The following RAPGEF4 variants were observed in gnomAD, a reference collection of about 807,000 sequenced individuals.
The protein encoded by RAPGEF4 is Rap guanine nucleotide exchange factor 4, also known as RAP guanine-nucleotide-exchange factor (GEF) 4.
Under a neutral mutation model 147.9 loss-of-function variants are expected in RAPGEF4, and 66 were observed. That is an observed-to-expected ratio of 0.45 (90% CI 0.37 to 0.55). The LOEUF is 0.55. Among genes scored for constraint, RAPGEF4 ranks in the 20% least tolerant of loss-of-function variants. The pLI, the probability that RAPGEF4 is intolerant of heterozygous loss-of-function variation, is 0.00. For synonymous variants in RAPGEF4, 419 were observed against 442.7 expected (o/e 0.95, Z 0.67); for missense variants, 1,071 against 1,257.3 (o/e 0.85, Z 2.24).
chr2:172,984,799 G>A (rs539149542), intron 11 of RAPGEF4, among the ~76,000 whole-genome samples: 1 of 152,312 alleles, frequency 6.6e-6, no homozygotes, highest in East Asian at 1.9e-4. Flanking sequence ...GGAATTGAGA[G>A]GATTGTGGGT....
At chr2:172,772,779 C>T (rs1264129848) in intron 1 of RAPGEF4, among the ~76,000 whole-genome samples, 1 of 152,196 alleles carries the variant, frequency 6.6e-6, no homozygotes, top group African/African-American at 2.4e-5. Context: ...GATGTGGTTG[C>T]TGTGCTAAGG....
intron 4 of RAPGEF4, among the ~76,000 whole-genome samples, chr2:172,884,629 GAGA>G (rs936333716): frequency 3.9e-5 from 6 of 152,276 alleles, no homozygotes; most frequent in African/African-American, 1.4e-4. Flanking sequence ...TGAGCATTTT[GAGA>G]AGAATGATAG....
intron 4 of RAPGEF4, among the ~76,000 whole-genome samples, chr2:172,838,126 G>C (rs1691165816): frequency 1.3e-5 from 2 of 151,434 alleles, no homozygotes; most frequent in South Asian, 4.1e-4. Flanking sequence ...TAAGGCTACT[G>C]TTCTCACTTT....
intron 7 of RAPGEF4, 95 bp downstream of exon 7, chr2:172,960,908 T>C (rs1689222846): frequency 1.9e-6 from 2 of 1,062,404 alleles, no homozygotes; most frequent in East Asian, 4.9e-5. Context: ...TCAGGAAGCC[T>C]CTGATACATT....
At chr2:172,938,007 C>T (rs1686767466) in intron 6 of RAPGEF4, among the ~76,000 whole-genome samples, 1 of 152,090 alleles carries the variant, frequency 6.6e-6, no homozygotes, top group South Asian at 2.1e-4. Flanking sequence ...ACCTGTGGCA[C>T]AACTAGTTGC....
At position 172,937,102 on chromosome 2, in the gene RAPGEF4, T is replaced by A. The variant is rs895989612; in HGVS notation, c.537+14802T>A. Among the ~76,000 whole-genome samples, 3 of 148,964 alleles carry A rather than the reference T, an allele frequency of 2.0e-5. No homozygotes were observed. The East Asian group carries it at 6.0e-4, about 30-fold the overall frequency. ...CAGGCATGGTGGTACCTGCTTGCAG[T>A]CCTACCTACTTGGGAGACTAAGGTA... On this transcript the variant is annotated intron_variant, in intron 6 of 30. Coordinates refer to ENST00000397081, the MANE Select transcript of RAPGEF4 (RefSeq NM_007023.4).
intron 10 of RAPGEF4, among the ~76,000 whole-genome samples, chr2:172,978,583 C>T (rs1225962750): frequency 6.6e-6 from 1 of 152,194 alleles, no homozygotes; most frequent in African/African-American, 2.4e-5. Context: ...AAGGTAGGGG[C>T]CTGACCAAGT....
chr2:172,784,464 G>A (rs896529108), intron 1 of RAPGEF4, among the ~76,000 whole-genome samples: 2 of 151,028 alleles, frequency 1.3e-5, no homozygotes, highest in Admixed American at 6.6e-5. Flanking sequence ...CTTGCAGTGC[G>A]CCGAGATCGT....
intron 6 of RAPGEF4, among the ~76,000 whole-genome samples, chr2:172,935,839 C>T (rs1343959782): frequency 6.6e-6 from 1 of 152,158 alleles, no homozygotes; most frequent in Non-Finnish European, 1.5e-5. Flanking sequence ...ATGACATAAG[C>T]AATCTCATTT....
intron 4 of RAPGEF4, among the ~76,000 whole-genome samples, chr2:172,818,329 T>G (rs1688717888): frequency 1.3e-5 from 2 of 152,054 alleles, no homozygotes; most frequent in African/African-American, 4.8e-5. Flanking sequence ...CAAAAACCTA[T>G]TGGAATTTTA....
chr2:172,838,707 T>C (rs1430953343), intron 4 of RAPGEF4, among the ~76,000 whole-genome samples: 2 of 152,122 alleles, frequency 1.3e-5, no homozygotes, highest in East Asian at 3.9e-4. Flanking sequence ...TTTAAAGATA[T>C]TGTGTACCCC....
At chr2:172,889,686 G>GAA (rs1559100246) in intron 4 of RAPGEF4, 2 of 179,312 alleles carry the variant, frequency 1.1e-5, no homozygotes, top group Non-Finnish European at 2.1e-5. Context: ...TGAGAATACA[G>GAA]ACACACACAC....
chr2:172,922,862 A>G (rs1684904261), intron 6 of RAPGEF4, among the ~76,000 whole-genome samples: 1 of 152,244 alleles, frequency 6.6e-6, no homozygotes, highest in Non-Finnish European at 1.5e-5. Context: ...GTCATGGTTT[A>G]GTGGCATACC....
chr2:172,905,587 A>G lies in RAPGEF4; in HGVS notation c.445-12215A>G, dbSNP rs142343874. On this transcript the variant is annotated intron_variant, in intron 4 of 30. Coordinates refer to ENST00000397081, the MANE Select transcript of RAPGEF4 (RefSeq NM_007023.4). The stretch of plus-strand genomic sequence containing the variant: ...AACAGGGGGCTTTGTCCACAACTTT[A>G]TCTGCTCGCTTGTAGTGTCATCCCA... 3.6e-3 allele frequency among the ~76,000 whole-genome samples: 553 copies of G among 152,302 alleles called. 4 individuals carry two copies. Among genetic ancestry groups the G allele is most frequent in the African/African-American group, 0.012 (486 of 41,574 alleles).
chr2:172,997,224 C>T (rs1231505645), intron 16 of RAPGEF4, among the ~76,000 whole-genome samples: 1 of 152,142 alleles, frequency 6.6e-6, no homozygotes. Context: ...GATGCATCAT[C>T]CGGATCTCTG....
chr2:172,861,167 C>T (rs1467164441), intron 4 of RAPGEF4, among the ~76,000 whole-genome samples: 1 of 151,380 alleles, frequency 6.6e-6, no homozygotes, highest in African/African-American at 2.4e-5. Flanking sequence ...GGGAAATTCT[C>T]ATGCCGGCTC....
intron 4 of RAPGEF4, among the ~76,000 whole-genome samples, chr2:172,819,613 C>T (rs969649211): frequency 9.9e-5 from 15 of 150,952 alleles, no homozygotes; most frequent in Non-Finnish European, 1.9e-4. Flanking sequence ...CTACAGGCGC[C>T]CGCCACTACG....
chr2:172,839,396 A>G (rs987231388), intron 4 of RAPGEF4, among the ~76,000 whole-genome samples: 1 of 152,098 alleles, frequency 6.6e-6, no homozygotes, highest in East Asian at 1.9e-4. Context: ...ATGATATACT[A>G]AAGAAGGGGT....
chr2:172,957,436 C>A (rs1025288505), intron 6 of RAPGEF4, among the ~76,000 whole-genome samples: 2 of 152,264 alleles, frequency 1.3e-5, no homozygotes, highest in African/African-American at 2.4e-5. Context: ...GCAGGGGTCT[C>A]TGAACAGGCA....
Sources: allele counts gnomAD v4.1 joint callset (sites outside exome capture counted in the v4.1 genomes callset), GRCh38; gene constraint gnomAD v4.1.1; transcripts MANE v1.5; gene names NCBI Gene and HGNC (gene_info 2026-07-23, HGNC 2026-07-21).